DNAJC13: variants seen among roughly 807,000 people sequenced by gnomAD.
The protein encoded by DNAJC13 is DnaJ heat shock protein family (Hsp40) member C13, also known as dnaJ homolog subfamily C member 13.
A neutral mutation model predicts 290.5 loss-of-function variants in DNAJC13; 75 were observed. The ratio of observed to expected loss-of-function variants is 0.26; its 90% confidence interval spans 0.21 to 0.31. The LOEUF (loss-of-function observed/expected upper bound fraction) is 0.31. Among genes scored for constraint, DNAJC13 ranks in the 10% least tolerant of loss-of-function variants. The pLI is 1.00. For missense variants in DNAJC13, 2,260 were observed against 2,674.5 expected (o/e 0.85, Z 3.42); for synonymous variants, 862 against 892.0 (o/e 0.97, Z 0.60).
intron 9 of DNAJC13, among the ~76,000 whole-genome samples, chr3:132,455,329 G>A (rs1043790526): frequency 6.6e-6 from 1 of 152,288 alleles, no homozygotes; most frequent in Admixed American, 6.5e-5. Flanking sequence ...ACATCAAAAA[G>A]ACTGCCAGTG....
intron 43 of DNAJC13, among the ~76,000 whole-genome samples, chr3:132,507,903 T>C (rs1334920276): frequency 6.6e-6 from 1 of 152,222 alleles, no homozygotes; most frequent in African/African-American, 2.4e-5. Context: ...TTAACCTTGA[T>C]GAGGAAGGCT....
chr3:132,485,881 C>G (rs1188224393), intron 29 of DNAJC13, among the ~76,000 whole-genome samples: 1 of 152,054 alleles, frequency 6.6e-6, no homozygotes, highest in South Asian at 2.1e-4. Flanking sequence ...AAGTCAGGTC[C>G]TAGACATTTC....
intron 12 of DNAJC13, 108 bp from the exon 13 acceptor site, chr3:132,457,161 G>A (rs554386697): frequency 1.5e-5 from 12 of 780,634 alleles, no homozygotes; most frequent in South Asian, 9.3e-5. Context: ...TTTAAAATAC[G>A]TCATTGTTCC....
At chr3:132,517,453 C>T (rs2107738309) in intron 48 of DNAJC13, among the ~76,000 whole-genome samples, 1 of 152,272 alleles carries the variant, frequency 6.6e-6, no homozygotes, top group Admixed American at 6.5e-5. Flanking sequence ...AAGTAGTACT[C>T]ACTGAAGAGT....
At chr3:132,466,458 T>C (rs1376380891) in intron 19 of DNAJC13, 64 bp downstream of exon 19, 2 of 1,316,446 alleles carry the variant, frequency 1.5e-6, no homozygotes, top group Non-Finnish European at 2.0e-6. Context: ...TATATGTCTT[T>C]TTTTGAAACA....
intron 48 of DNAJC13, among the ~76,000 whole-genome samples, 161 bp from the exon 49 acceptor site, chr3:132,522,667 G>A (rs1449312233): frequency 6.6e-6 from 1 of 152,136 alleles, no homozygotes; most frequent in Non-Finnish European, 1.5e-5. Flanking sequence ...TGCATAAACC[G>A]AGGATTATCT....
intron 43 of DNAJC13, among the ~76,000 whole-genome samples, chr3:132,509,880 C>G (rs1410632271): frequency 6.6e-6 from 1 of 152,156 alleles, no homozygotes; most frequent in East Asian, 1.9e-4. Flanking sequence ...CTTTTATATG[C>G]ACTGGGAAAC....
In DNAJC13 at chr3:132,483,363, T is replaced by C. The variant is rs1221860582; in HGVS notation, c.2980-12T>C. 2 of 1,612,372 alleles carry C rather than the reference T, an allele frequency of 1.2e-6. No individual in the cohort carries two copies. The highest frequency in any genetic ancestry group is 1.7e-6 in the Non-Finnish European group (2 of 1,178,492). On this transcript the variant is annotated splice_polypyrimidine_tract_variant and intron_variant, in intron 27 of 55. Coordinates refer to ENST00000260818, the MANE Select transcript of DNAJC13 (RefSeq NM_015268.4). ...ATTTTGTCTGTTTGTAATAATGCCT[T>C]CCATCCATTAGATGCAAGAATTGTG...
intron 39 of DNAJC13, 74 bp downstream of exon 39, chr3:132,500,987 T>C (rs979931527): frequency 2.0e-6 from 3 of 1,506,510 alleles, no homozygotes; most frequent in Non-Finnish European, 2.7e-6. Flanking sequence ...GTTCCTAATG[T>C]ATAAGCACAT....
At chr3:132,440,206 G>A (rs1933011216) in intron 2 of DNAJC13, among the ~76,000 whole-genome samples, 1 of 152,188 alleles carries the variant, frequency 6.6e-6, no homozygotes, top group African/African-American at 2.4e-5. Context: ...GCAGTGAGCT[G>A]AGATTACGCC....
chr3:132,454,967 G>T (rs895256550), intron 9 of DNAJC13, among the ~76,000 whole-genome samples: 1 of 152,034 alleles, frequency 6.6e-6, no homozygotes, highest in Non-Finnish European at 1.5e-5. Context: ...GTGACTTGGG[G>T]TTAAGAAAAG....
chr3:132,484,789 C>A, intron 29 of DNAJC13, 117 bp downstream of exon 29: 1 of 940,954 alleles, frequency 1.1e-6, no homozygotes, highest in Non-Finnish European at 1.7e-6. Flanking sequence ...CCTAAATAGG[C>A]CAGGTGTGGA....
At chr3:132,519,819 G>A (rs936844654) in intron 48 of DNAJC13, among the ~76,000 whole-genome samples, 2 of 152,022 alleles carry the variant, frequency 1.3e-5, no homozygotes, top group African/African-American at 2.4e-5. Context: ...AGGGCTTCAC[G>A]CTGCTGATGA....
chr3:132,514,712 G>A (rs1935871312), intron 46 of DNAJC13, 42 bp downstream of exon 46: 1 of 1,452,418 alleles, frequency 6.9e-7, no homozygotes, highest in Non-Finnish European at 9.6e-7. Context: ...AGCAAGATTA[G>A]CCCATGGAAA....
intron 55 of DNAJC13, among the ~76,000 whole-genome samples, chr3:132,537,642 G>A (rs1936637866): frequency 6.6e-6 from 1 of 152,236 alleles, no homozygotes; most frequent in Non-Finnish European, 1.5e-5. Flanking sequence ...ACCTATGACA[G>A]ATGGATGTCC....
intron 55 of DNAJC13, chr3:132,537,296 G>T (rs112267022): frequency 4.4e-6 from 2 of 451,408 alleles, no homozygotes; most frequent in African/African-American, 4.0e-5. Context: ...AATGCATGCC[G>T]CTCCCACTGC....
chr3:132,436,358 G>A (rs561577236), intron 2 of DNAJC13, among the ~76,000 whole-genome samples: 1 of 152,110 alleles, frequency 6.6e-6, no homozygotes, highest in Non-Finnish European at 1.5e-5. Flanking sequence ...ATGTTTTCAA[G>A]GTCGTCTATA....
chr3:132,505,153 T>C (rs986256876), intron 41 of DNAJC13, 149 bp from the exon 42 acceptor site: 57 of 527,732 alleles, frequency 1.1e-4, no homozygotes, highest in Middle Eastern at 5.0e-4. Context: ...TCAATAAACT[T>C]GTTAGAATTA....
At chr3:132,528,536 ATTC>A (rs1559914971) in intron 54 of DNAJC13, among the ~76,000 whole-genome samples, 1 of 152,242 alleles carries the variant, frequency 6.6e-6, no homozygotes, top group Non-Finnish European at 1.5e-5. Context: ...ATTCAGGAGA[ATTC>A]TTCTGGATAG....
Sources: gnomAD v4.1 joint callset for allele counts (sites outside exome capture counted in the v4.1 genomes callset) on GRCh38, gnomAD v4.1.1 for gene constraint, MANE v1.5 for transcripts, NCBI Gene and HGNC (gene_info 2026-07-23, HGNC 2026-07-21) for gene names.